MCF2L2: variants seen among roughly 807,000 people sequenced by gnomAD.
The protein encoded by MCF2L2 is probable guanine nucleotide exchange factor MCF2L2.
MCF2L2 carries 102 observed loss-of-function variants against 150.2 expected under a neutral mutation model. The ratio of observed to expected loss-of-function variants is 0.68; its 90% CI spans 0.58 to 0.80. The LOEUF (loss-of-function observed/expected upper bound fraction) is 0.80, where lower values mean the gene tolerates loss of function less well. MCF2L2 is among the 30% of genes least tolerant of loss of function. The pLI, the probability that MCF2L2 is intolerant of heterozygous loss-of-function variation, is 0.00. For missense variants in MCF2L2, 1,256 were observed against 1,372.8 expected, an observed-to-expected ratio of 0.91 and a Z score of 1.34; for synonymous variants, 465 against 491.3, an observed-to-expected ratio of 0.95 and a Z score of 0.71.
At chr3:183,358,007 G>C (rs1167768161) in intron 3 of MCF2L2, among the ~76,000 whole-genome samples, 1 of 152,224 alleles carries the variant, frequency 6.6e-6, no homozygotes, top group Admixed American at 6.5e-5. Context: ...GGTATTAGTG[G>C]CCGGGTGCCG....
intron 15 of MCF2L2, among the ~76,000 whole-genome samples, chr3:183,248,854 T>A (rs951698726): frequency 5.9e-5 from 9 of 152,010 alleles, no homozygotes; most frequent in Admixed American, 1.3e-4. Context: ...TGTATATTTT[T>A]AAAAAAAGAA....
intron 1 of MCF2L2, among the ~76,000 whole-genome samples, chr3:183,415,648 T>C (rs1715550771): frequency 6.6e-6 from 1 of 152,226 alleles, no homozygotes; most frequent in South Asian, 2.1e-4. Flanking sequence ...TTTTTTTGTT[T>C]TAAGTCTACT....
intron 27 of MCF2L2, among the ~76,000 whole-genome samples, chr3:183,189,104 A>C (rs562566670): frequency 6.6e-6 from 1 of 152,298 alleles, no homozygotes; most frequent in South Asian, 2.1e-4. Context: ...GGCATGTCGG[A>C]CATTTAAAAG....
intron 15 of MCF2L2, among the ~76,000 whole-genome samples, chr3:183,264,146 C>G (rs910720466): frequency 2.0e-5 from 3 of 152,192 alleles, no homozygotes; most frequent in Non-Finnish European, 4.4e-5. Context: ...TCTGTACCCC[C>G]CTAAGACTCC....
At chr3:183,223,217 A>G in intron 20 of MCF2L2, 129 bp downstream of exon 20, 1 of 638,680 alleles carries the variant, frequency 1.6e-6, no homozygotes, top group Non-Finnish European at 2.7e-6. Context: ...GGAAAGAAAA[A>G]GCCTGCAGGA....
chr3:183,417,188 T>C (rs915916994), intron 1 of MCF2L2, among the ~76,000 whole-genome samples: 2 of 143,726 alleles, frequency 1.4e-5, no homozygotes, highest in Admixed American at 7.1e-5. Flanking sequence ...AGGATGTGCA[T>C]AGGTTAATCA....
chr3:183,406,313 T>C (rs182062905), intron 1 of MCF2L2, among the ~76,000 whole-genome samples: 20 of 152,342 alleles, frequency 1.3e-4, no homozygotes, highest in African/African-American at 4.8e-4. Flanking sequence ...ACTACTGATA[T>C]TGAGCATATT....
intron 3 of MCF2L2, among the ~76,000 whole-genome samples, chr3:183,364,431 A>C (rs540358182): frequency 6.6e-6 from 1 of 152,046 alleles, no homozygotes; most frequent in African/African-American, 2.4e-5. Context: ...GAGGCAGGAG[A>C]ATGGCGTGAA....
At chr3:183,224,028 C>T in intron 19 of MCF2L2, 70 bp downstream of exon 19, 1 of 1,159,438 alleles carries the variant, frequency 8.6e-7, no homozygotes, top group Non-Finnish European at 1.3e-6. Flanking sequence ...CCTAGTCCCA[C>T]TTTTGATTTC....
chr3:183,387,043 C>G (rs993870567), intron 2 of MCF2L2, among the ~76,000 whole-genome samples: 2 of 152,110 alleles, frequency 1.3e-5, no homozygotes, highest in African/African-American at 2.4e-5. Flanking sequence ...ACTGTTTGAG[C>G]CCAGGAGTTC....
chr3:183,208,732 GA>G (rs1279560966), intron 22 of MCF2L2, among the ~76,000 whole-genome samples: 1 of 152,200 alleles, frequency 6.6e-6, no homozygotes, highest in Admixed American at 6.5e-5. Flanking sequence ...CTCCCTAAGT[GA>G]CCTCTAGCTG....
At chr3:183,304,439 G>T (rs1414577097) in intron 10 of MCF2L2, among the ~76,000 whole-genome samples, 1 of 150,186 alleles carries the variant, frequency 6.7e-6, no homozygotes, top group Admixed American at 6.6e-5. Flanking sequence ...AAGATGACTG[G>T]AATACTCATT....
intron 1 of MCF2L2, chr3:183,400,560 A>G (rs772028516): frequency 5.9e-5 from 26 of 439,196 alleles, no homozygotes; most frequent in Middle Eastern, 3.4e-4. Context: ...CTCACACAGA[A>G]ATGTTCAATC....
intron 13 of MCF2L2, among the ~76,000 whole-genome samples, chr3:183,290,720 G>A (rs996264853): frequency 3.5e-4 from 53 of 152,012 alleles, no homozygotes; most frequent in Admixed American, 2.6e-3. Context: ...TTTTAGTAGC[G>A]ACGGAGTTTT....
intron 3 of MCF2L2, chr3:183,372,570 T>C (rs544906654): frequency 3.8e-4 from 58 of 152,266 alleles, no homozygotes; most frequent in African/African-American, 1.3e-3. Context: ...CACGTGCCTG[T>C]AGTCTCAGCT....
rs748038045 is a variant in MCF2L2 at position 183,309,744 on chromosome 3, T to C, written c.1085A>G (p.Glu362Gly). ...SVMHVEQILK[E>G]HKKLEEKSQE... ...GCTTTTTTCCTCCAGTTTTTTGTGT[T>C]CCTTAAGAATCTGCTCCACGTGCAT... The change falls in exon 10 of 30, where the codon GAA becomes GGA. Residue 362 changes from glutamate (E) to glycine (G), a missense_variant. By Grantham distance (98) the Glu-to-Gly change is moderately conservative. Transcript: ENST00000328913. 1.2e-6 allele frequency: 2 copies of C among 1,613,982 alleles called. No homozygotes were observed. The highest frequency in any genetic ancestry group is 1.1e-5 in the South Asian group (1 of 91,072).
intron 10 of MCF2L2, among the ~76,000 whole-genome samples, chr3:183,301,361 TAGAC>T (rs1350108534): frequency 1.3e-5 from 2 of 152,046 alleles, no homozygotes; most frequent in Admixed American, 6.6e-5. Context: ...TATGGTATCT[TAGAC>T]AGTGATGAGT....
chr3:183,291,035 G>A (rs1474958059), intron 13 of MCF2L2, among the ~76,000 whole-genome samples: 1 of 146,476 alleles, frequency 6.8e-6, no homozygotes, highest in East Asian at 2.4e-4. Context: ...GTTGAAAATC[G>A]CAGAAAATTA....
Position 183,228,371 on chromosome 3 carries a change from A to G in MCF2L2, c.2046-5T>C, listed in dbSNP as rs1204425862. ...TCCAACTCTTTTAGAAAAGTCCTAGAAAAATAAAAGTATACAAGTAATAAT... is the reference window on the plus strand; with the variant it reads ...TCCAACTCTTTTAGAAAAGTCCTAGGAAAATAAAAGTATACAAGTAATAAT... On this transcript the variant is annotated splice_polypyrimidine_tract_variant and splice_region_variant and intron_variant, in intron 17 of 29. Coordinates refer to ENST00000328913, the MANE Select transcript of MCF2L2 (RefSeq NM_015078.4). 6.2e-7 allele frequency: 1 copy of G among 1,601,528 alleles called. No homozygotes were observed. Among genetic ancestry groups the G allele is most frequent in the East Asian group, 2.2e-5 (1 of 44,782 alleles).
Sources: gnomAD v4.1 joint callset for allele counts (sites outside exome capture counted in the v4.1 genomes callset) on GRCh38, gnomAD v4.1.1 for gene constraint, MANE v1.5 for transcripts, NCBI Gene and HGNC (gene_info 2026-07-23, HGNC 2026-07-21) for gene names.